The following COPS3 variants were observed in gnomAD, a reference collection of about 807,000 sequenced individuals.
COPS3 encodes the protein COP9 signalosome complex subunit 3.
Under a neutral mutation model 58.2 loss-of-function variants are expected in COPS3, and 10 were observed. That is an observed-to-expected ratio of 0.17 (90% CI 0.11 to 0.29). The LOEUF (loss-of-function observed/expected upper bound fraction) is 0.29. Ranked by LOEUF, COPS3 falls within the 10% of genes least tolerant of loss-of-function variation. COPS3 has a pLI of 1.00. For missense variants in COPS3, 333 were observed against 510.1 expected (o/e 0.65, Z 3.34); for synonymous variants, 187 against 181.7 (o/e 1.03, Z -0.24).
chr17:17,247,367 G>T, intron 11 of COPS3, 113 bp downstream of exon 11: 3 of 1,074,270 alleles, frequency 2.8e-6, no homozygotes, highest in Non-Finnish European at 4.2e-6. Context: ...GACCGTACTG[G>T]TAAGGTTTTC....
At chr17:17,274,754 C>CTT (rs377530136) in intron 2 of COPS3, among the ~76,000 whole-genome samples, 2,258 of 141,182 alleles carry the variant, frequency 0.016, 60 homozygotes, top group African/African-American at 0.054. Context: ...TTCAATCGTG[C>CTT]TTTTTTTTTT....
chr17:17,271,873 CAT>C (rs200479958), intron 2 of COPS3, among the ~76,000 whole-genome samples: 3,976 of 92,662 alleles, frequency 0.043, 182 homozygotes, highest in African/African-American at 0.15. Flanking sequence ...CATACACACA[CAT>C]ATGTTTAATA....
intron 4 of COPS3, among the ~76,000 whole-genome samples, chr17:17,268,932 C>T (rs2048288300): frequency 6.6e-6 from 1 of 152,058 alleles, no homozygotes; most frequent in South Asian, 2.1e-4. Context: ...TTTTCTTAAC[C>T]ATCTCTTTCA....
At chr17:17,255,215 G>A (rs1046802600) in intron 8 of COPS3, among the ~76,000 whole-genome samples, 1 of 151,578 alleles carries the variant, frequency 6.6e-6, no homozygotes, top group Non-Finnish European at 1.5e-5. Context: ...CAGGAGAATC[G>A]CTTGAACCCA....
At chr17:17,265,208 A>G (rs2048193661) in intron 5 of COPS3, among the ~76,000 whole-genome samples, 1 of 152,186 alleles carries the variant, frequency 6.6e-6, no homozygotes, top group African/African-American at 2.4e-5. Context: ...CATACCAGTT[A>G]AGCATCCCTA....
chr17:17,263,070 C>T (rs948800660), intron 6 of COPS3, among the ~76,000 whole-genome samples: 9 of 151,734 alleles, frequency 5.9e-5, no homozygotes, highest in Admixed American at 2.0e-4. Flanking sequence ...GGGCGGATCA[C>T]GAGGTCAGGA....
At chr17:17,267,684 G>A (rs1481554836) in intron 5 of COPS3, among the ~76,000 whole-genome samples, 8 of 150,238 alleles carry the variant, frequency 5.3e-5, no homozygotes, top group Admixed American at 2.0e-4. Context: ...CTATCTGTTC[G>A]ACAAGCTTAC....
At chr17:17,263,498 C>T (rs1162406328) in intron 6 of COPS3, among the ~76,000 whole-genome samples, 1 of 142,300 alleles carries the variant, frequency 7.0e-6, no homozygotes, top group African/African-American at 2.6e-5. Flanking sequence ...CTCACCCAGC[C>T]TCTTGCCTTT....
rs957850826 is a variant in COPS3 at position 17,261,821 on chromosome 17, GCAGA to G, written c.762+141_762+144del. 2.0e-5 allele frequency: 13 copies of G among 649,608 alleles called. No homozygotes were observed. The African/African-American group carries it at 2.4e-4, about 12-fold the overall frequency. 40.2% of individuals were successfully genotyped at this position (649,608 alleles called of 1,614,324 possible). On this transcript the variant is annotated intron_variant, in intron 7 of 11. Transcript: ENST00000268717. ...TCCAATCAGGTAATGAGAATGTGTA[GCAGA>G]CATTCAATAAATGTCTGCTCACCTG...
At chr17:17,268,038 T>C (rs2048266221) in intron 4 of COPS3, 61 bp from the exon 5 acceptor site, 1 of 1,581,024 alleles carries the variant, frequency 6.3e-7, no homozygotes, top group Non-Finnish European at 8.6e-7. Context: ...TTGGATCTTA[T>C]GTTGTCACTT....
chr17:17,254,362 G>A (rs1228753095), intron 9 of COPS3, among the ~76,000 whole-genome samples: 1 of 150,828 alleles, frequency 6.6e-6, no homozygotes, highest in Non-Finnish European at 1.5e-5. Context: ...TATATCATAT[G>A]AGCACACTAA....
At chr17:17,262,959 A>C (rs2048135692) in intron 6 of COPS3, among the ~76,000 whole-genome samples, 1 of 148,582 alleles carries the variant, frequency 6.7e-6, no homozygotes, top group Non-Finnish European at 1.5e-5. Flanking sequence ...GCAGTGGCGC[A>C]ATCCCGGCTC....
chr17:17,248,224 G>A (rs1298603351), intron 10 of COPS3, among the ~76,000 whole-genome samples: 1 of 152,218 alleles, frequency 6.6e-6, no homozygotes, highest in Admixed American at 6.5e-5. Flanking sequence ...AAGTTATACT[G>A]GGCCCTTTAA....
rs1247038558 is a variant in COPS3 at position 17,276,176 on chromosome 17, GAAC to G, written c.56-15_56-13del. On this transcript the variant is annotated splice_polypyrimidine_tract_variant and intron_variant, in intron 1 of 11. Transcript: ENST00000268717. ...CTGTGTCATTTGCCCTGGAAAACAGGAACAACACTATTGCATTTCAGCTACAGC... is the reference window on the plus strand; with the variant it reads ...CTGTGTCATTTGCCCTGGAAAACAGGAACACTATTGCATTTCAGCTACAGC... 1.9e-6 allele frequency: 3 copies of G among 1,613,194 alleles called. No individual in the cohort carries two copies. Among genetic ancestry groups the G allele is most frequent in the South Asian group, 1.1e-5 (1 of 91,046 alleles).
rs1336616857 is a variant in COPS3, at chr17:17,276,374, C to T, written c.56-210G>A. Among the ~76,000 whole-genome samples, 4 of 152,176 alleles carry T rather than the reference C, an allele frequency of 2.6e-5. No individual in the cohort carries two copies. The East Asian group carries it at 7.7e-4, about 29-fold the overall frequency. On this transcript the variant is annotated intron_variant, in intron 1 of 11. Coordinates refer to ENST00000268717, the MANE Select transcript of COPS3 (RefSeq NM_003653.4). ...ATTAGAGATTACACTGGACCTCCCA[C>T]TTCTCTCTGACCCTGAATGTTTCAC...
At chr17:17,274,859 G>C (rs16961507) in intron 2 of COPS3, among the ~76,000 whole-genome samples, 21,824 of 151,608 alleles carry the variant, frequency 0.14, 1,630 homozygotes, top group South Asian at 0.22. Context: ...TGCCTCCTTG[G>C]AGTGTTTCTC....
At chr17:17,274,863 G>A (rs554585385) in intron 2 of COPS3, among the ~76,000 whole-genome samples, 1 of 151,718 alleles carries the variant, frequency 6.6e-6, no homozygotes, top group Non-Finnish European at 1.5e-5. Flanking sequence ...TCCTTGGAGT[G>A]TTTCTCATGG....
intron 2 of COPS3, among the ~76,000 whole-genome samples, chr17:17,275,679 C>T (rs568880634): frequency 4.1e-4 from 62 of 152,314 alleles, no homozygotes; most frequent in South Asian, 6.2e-4. Flanking sequence ...CGTGGTGGCT[C>T]ACGCCTGTAA....
At chr17:17,253,569 T>C (rs1034656776) in intron 9 of COPS3, among the ~76,000 whole-genome samples, 1 of 152,184 alleles carries the variant, frequency 6.6e-6, no homozygotes. Context: ...GTGTGTGCTC[T>C]GGCCTCCTTT....
Sources: gnomAD v4.1 joint callset for allele counts (sites outside exome capture counted in the v4.1 genomes callset) on GRCh38, gnomAD v4.1.1 for gene constraint, MANE v1.5 for transcripts, NCBI Gene and HGNC (gene_info 2026-07-23, HGNC 2026-07-21) for gene names.